Variants in BCORL1 observed in about 807,000 individuals in gnomAD.
BCORL1 encodes BCL6 corepressor like 1.
In BCORL1, 7 loss-of-function variants were observed where a neutral mutation model predicts 87.6. The observed-to-expected ratio is 0.08, with a 90% CI of 0.05 to 0.15. The LOEUF (loss-of-function observed/expected upper bound fraction) is 0.15. Among genes scored for constraint, BCORL1 ranks in the 10% least tolerant of loss-of-function variants. The pLI, the probability that BCORL1 is intolerant of heterozygous loss-of-function variation, is 1.00. For synonymous variants in BCORL1, 591 were observed against 634.4 expected, an observed-to-expected ratio of 0.93 and a Z score of 1.03; for missense variants, 1,215 against 1,499.7, an observed-to-expected ratio of 0.81 and a Z score of 3.13.
At chrX:130,025,818 A>C (rs1243198976) in intron 7 of BCORL1, among the ~76,000 whole-genome samples, 2 of 110,750 alleles carry the variant, frequency 1.8e-5, no homozygotes, top group African/African-American at 6.6e-5. Context: ...AGCTAAAAAG[A>C]AGTACAGTGG....
At chrX:130,004,830 A>G (rs955843778) in intron 1 of BCORL1, among the ~76,000 whole-genome samples, 5 of 112,405 alleles carry the variant, frequency 4.4e-5, no homozygotes, top group Non-Finnish European at 9.4e-5. Flanking sequence ...CACCATTCAT[A>G]TATGGGTATG....
chrX:129,986,561 G>C (rs745399679), intron 1 of BCORL1, among the ~76,000 whole-genome samples: 1 of 112,225 alleles, frequency 8.9e-6, no homozygotes, highest in East Asian at 2.8e-4. Flanking sequence ...GCTCACTCCT[G>C]TAACCCCAGC....
chrX:130,041,553 C>T (rs1032264213), intron 11 of BCORL1, among the ~76,000 whole-genome samples: 5 of 112,052 alleles, frequency 4.5e-5, no homozygotes, highest in African/African-American at 1.6e-4. Flanking sequence ...AGGCTGGTCT[C>T]GAACTTCTGC....
intron 13 of BCORL1, among the ~76,000 whole-genome samples, chrX:130,052,762 T>C (rs1485749516): frequency 8.9e-6 from 1 of 112,680 alleles, no homozygotes; most frequent in Non-Finnish European, 1.9e-5. Context: ...CTCTGATTGG[T>C]GTCTTCATGT....
Position 130,015,787 on chromosome X carries a change from G to A in BCORL1, c.3015G>A (p.Lys1005=), listed in dbSNP as rs1344981198. The part of the protein sequence containing the change: ...LVLATPQNLP[K]MPELPLLPHD... ...TGGCCACCCCCCAGAACCTGCCTAAGATGCCTGAGCTGCCTTTGCTACCTC... is the reference window on the plus strand; with the variant it reads ...TGGCCACCCCCCAGAACCTGCCTAAAATGCCTGAGCTGCCTTTGCTACCTC... Residue 1005 remains lysine (K), a synonymous_variant, in exon 4 of 14, where the codon AAG becomes AAA. Coordinates refer to ENST00000540052, the MANE Select transcript of BCORL1 (RefSeq NM_001379451.1). The A allele has an allele frequency of 7.4e-6, 9 of 1,210,140 alleles. No individual in the cohort carries two copies. The East Asian group carries it at 2.4e-4, about 32-fold the overall frequency.
intron 1 of BCORL1, among the ~76,000 whole-genome samples, chrX:129,992,795 T>C (rs753429622): frequency 2.1e-4 from 23 of 111,357 alleles, no homozygotes; most frequent in African/African-American, 6.2e-4. Flanking sequence ...TGGGCTTAAG[T>C]GATCTGTCTG....
At chrX:130,037,970 C>G (rs759427536) in intron 10 of BCORL1, among the ~76,000 whole-genome samples, 1 of 112,153 alleles carries the variant, frequency 8.9e-6, no homozygotes, top group African/African-American at 3.2e-5. Flanking sequence ...TGCAGAGAGG[C>G]CTTGACAGGA....
intron 9 of BCORL1, among the ~76,000 whole-genome samples, chrX:130,035,094 C>A (rs1930857027): frequency 9.0e-6 from 1 of 111,368 alleles, no homozygotes; most frequent in Non-Finnish European, 1.9e-5. Flanking sequence ...GCTGAGCTAA[C>A]CCCACCTTAT....
Position 130,056,207 on chromosome X carries a change from G to T in BCORL1, c.*71G>T. The T allele has an allele frequency of 9.7e-7, 1 of 1,032,927 alleles. No homozygotes were observed. The highest frequency in any genetic ancestry group is 2.4e-5 in the South Asian group (1 of 40,936). 85.1% of individuals were successfully genotyped at this position (1,032,927 alleles called of 1,213,427 possible). On this transcript the variant is annotated 3_prime_UTR_variant, in exon 14 of 14. Transcript: ENST00000540052. ...TTCCCCCACCTCCTTGTCTTTCCCC[G>T]ACCGAGCACCAGACTGCAGAATGAG...
intron 1 of BCORL1, among the ~76,000 whole-genome samples, chrX:130,001,897 G>A (rs900921561): frequency 4.1e-4 from 45 of 110,705 alleles, no homozygotes; most frequent in African/African-American, 1.4e-3. Flanking sequence ...TTTAGAAGAT[G>A]AATTGATTGT....
chrX:130,024,382 C>T (rs1569375942), intron 6 of BCORL1, among the ~76,000 whole-genome samples: 1 of 111,073 alleles, frequency 9.0e-6, no homozygotes, highest in Non-Finnish European at 1.9e-5. Flanking sequence ...TGCATTTGGG[C>T]GTGACCCAAC....
chrX:130,019,403 C>T (rs2124466021), intron 4 of BCORL1, among the ~76,000 whole-genome samples: 1 of 112,805 alleles, frequency 8.9e-6, no homozygotes, highest in African/African-American at 3.2e-5. Context: ...TTCCCCCTGA[C>T]TTAAAATAGT....
At chrX:130,040,542 G>T (rs747921608) in intron 11 of BCORL1, among the ~76,000 whole-genome samples, 8 of 112,454 alleles carry the variant, frequency 7.1e-5, no homozygotes, top group Non-Finnish European at 1.1e-4. Flanking sequence ...AGCCTGACTA[G>T]CATCTCCCAG....
At chrX:129,988,188 C>T (rs1926784476) in intron 1 of BCORL1, among the ~76,000 whole-genome samples, 1 of 111,610 alleles carries the variant, frequency 9.0e-6, no homozygotes, top group African/African-American at 3.3e-5. Flanking sequence ...ATGAACTAGG[C>T]TTTATTAATG....
rs765429155 is a variant in BCORL1 at position 130,015,515 on chromosome X, T to C, written c.2743T>C (p.Tyr915His). ...NKTCRIAAKP[Y>H]EEQVNPVLLT... ...AACTTGCCGGATTGCTGCCAAGCCT[T>C]ATGAAGAACAAGTCAATCCTGTCCT... Residue 915 changes from tyrosine (Y) to histidine (H), a missense_variant, in exon 4 of 14, where the codon TAT becomes CAT. Physicochemically the swap from Tyr to His is moderately conservative, Grantham distance 83 (BLOSUM62 2). Transcript: ENST00000540052. 8.2e-7 allele frequency: 1 copy of C among 1,212,164 alleles called. No homozygotes were observed. Among genetic ancestry groups the C allele is most frequent in the East Asian group, 3.0e-5 (1 of 33,852 alleles).
intron 1 of BCORL1, among the ~76,000 whole-genome samples, chrX:129,983,760 T>A (rs1167658439): frequency 2.1e-5 from 2 of 93,775 alleles, no homozygotes; most frequent in Non-Finnish European, 4.3e-5. Flanking sequence ...GAAGATGAGA[T>A]CGGGGGCAAT....
At position 130,021,012 on chromosome X, in the gene BCORL1, G is replaced by A; in HGVS notation, c.3469G>A (p.Glu1157Lys). 4 of 1,177,229 alleles carry A rather than the reference G, an allele frequency of 3.4e-6. No homozygotes were observed. Among genetic ancestry groups the A allele is most frequent in the Non-Finnish European group, 4.5e-6 (4 of 883,362 alleles). ...CCGGAAGCTGCCCAGTGACCCCCAG[G>A]AATCCACCAAGAAAAGCCCCAGGGG... The part of the protein sequence containing the change: ...KCRKLPSDPQ[E>K]STKKSPRGAS... Residue 1157 changes from glutamate (E) to lysine (K), a missense_variant, in exon 5 of 14, where the codon GAA becomes AAA. By Grantham distance (56) the Glu-to-Lys change is moderately conservative (BLOSUM62 1). Coordinates refer to ENST00000540052, the MANE Select transcript of BCORL1 (RefSeq NM_001379451.1).
intron 8 of BCORL1, among the ~76,000 whole-genome samples, chrX:130,030,278 T>G (rs1176301517): frequency 9.0e-6 from 1 of 111,393 alleles, no homozygotes; most frequent in Non-Finnish European, 1.9e-5. Context: ...CGTGGCAGGG[T>G]AGCAGCGTTC....
intron 11 of BCORL1, among the ~76,000 whole-genome samples, chrX:130,050,250 G>A (rs1931994649): frequency 9.2e-6 from 1 of 109,019 alleles, no homozygotes; most frequent in Admixed American, 9.9e-5. Context: ...TGGGCAACAT[G>A]GTGAAACCCC....
Sources: gnomAD v4.1 joint callset for allele counts (sites outside exome capture counted in the v4.1 genomes callset) on GRCh38, gnomAD v4.1.1 for gene constraint, MANE v1.5 for transcripts, NCBI Gene and HGNC (gene_info 2026-07-23, HGNC 2026-07-21) for gene names.